SYNJ2: variants seen among roughly 807,000 people sequenced by gnomAD.
SYNJ2 encodes synaptojanin 2, also known as polyphosphatidylinositol phosphatase SYNJ2.
SYNJ2 carries 116 observed loss-of-function variants against 141.3 expected under a neutral mutation model. The observed-to-expected ratio is 0.82, with a 90% CI of 0.71 to 0.96. The LOEUF (loss-of-function observed/expected upper bound fraction) is 0.96, where lower values mean the gene tolerates loss of function less well. SYNJ2 is among the 40% of genes least tolerant of loss of function. SYNJ2 has a pLI of 0.00. For missense variants in SYNJ2, 1,873 were observed against 1,934.8 expected (o/e 0.97, Z 0.60); for synonymous variants, 745 against 777.7 (o/e 0.96, Z 0.70).
At chr6:158,069,158 A>G (rs1398291361) in intron 13 of SYNJ2, among the ~76,000 whole-genome samples, 4 of 152,102 alleles carry the variant, frequency 2.6e-5, no homozygotes, top group Non-Finnish European at 5.9e-5. Context: ...AGGGCAAAGG[A>G]AAAAATCAAA....
intron 5 of SYNJ2, among the ~76,000 whole-genome samples, chr6:158,053,011 C>T (rs950399236): frequency 3.3e-5 from 5 of 152,292 alleles, no homozygotes; most frequent in African/African-American, 4.8e-5. Flanking sequence ...ATCTGTTCCT[C>T]GGCTTTCTGT....
chr6:158,061,578 C>T (rs9364784), intron 7 of SYNJ2, among the ~76,000 whole-genome samples: 29,682 of 152,044 alleles, frequency 0.2, 3,230 homozygotes, highest in Admixed American at 0.35. Flanking sequence ...ACTAGGGCAA[C>T]GGGGAGCTGG....
intron 11 of SYNJ2, 130 bp downstream of exon 11, chr6:158,065,121 C>A: frequency 8.4e-7 from 1 of 1,188,856 alleles, no homozygotes; most frequent in Non-Finnish European, 1.1e-6. Flanking sequence ...GACCATGCAC[C>A]TTGCAGCTGT....
intron 7 of SYNJ2, 42 bp from the exon 8 acceptor site, chr6:158,061,950 C>G: frequency 6.3e-7 from 1 of 1,597,832 alleles, no homozygotes; most frequent in Non-Finnish European, 8.5e-7. Context: ...CTCGTCCTCC[C>G]TTCCCTCTGC....
chr6:158,024,462 C>T (rs535744692), intron 2 of SYNJ2, among the ~76,000 whole-genome samples: 1 of 152,278 alleles, frequency 6.6e-6, no homozygotes, highest in South Asian at 2.1e-4. Context: ...CTAAAACCAT[C>T]GCCTTGGGTG....
chr6:158,043,977 C>T lies in SYNJ2; in HGVS notation c.795+578C>T, dbSNP rs1331234364. ...ACAGGGTGGGGACACATTCCAAGAA[C>T]ACATTTGTCATCAATGGAATGACAC... is the stretch of plus-strand genomic sequence containing the variant. On this transcript the variant is annotated intron_variant, in intron 5 of 26. Transcript: ENST00000355585. This position sits in a 1 kb window ranked among gnomAD's most constrained non-coding sequence, Gnocchi z 4.0. Among the ~76,000 whole-genome samples the T allele has an allele frequency of 6.6e-6, 1 of 152,186 alleles. No individual in the cohort carries two copies. Among genetic ancestry groups the T allele is most frequent in the Non-Finnish European group, 1.5e-5 (1 of 68,028 alleles).
At chr6:158,054,375 T>C (rs181618841) in intron 5 of SYNJ2, among the ~76,000 whole-genome samples, 73 of 152,370 alleles carry the variant, frequency 4.8e-4, no homozygotes, top group African/African-American at 1.7e-3. Context: ...CAGGTTAAAA[T>C]CCATTACTGT....
In SYNJ2 at chr6:157,982,461, C is replaced by T. The variant is rs773108893; in HGVS notation, c.127+373C>T. Among the ~76,000 whole-genome samples, 1 of 152,170 alleles carries T rather than the reference C, an allele frequency of 6.6e-6. No individual in the cohort carries two copies. The highest frequency in any genetic ancestry group is 1.5e-5 in the Non-Finnish European group (1 of 68,028). ...TTTCTTTTGCACCTGTTGATGAAAC[C>T]AGTGATTGCCCTTTGGTTTGTGTTG... is the stretch of plus-strand genomic sequence containing the variant. On this transcript the variant is annotated intron_variant, in intron 1 of 26. Transcript: ENST00000355585. This position sits in a 1 kb window ranked among gnomAD's most constrained non-coding sequence, Gnocchi z 4.0.
At chr6:158,081,054 G>T in intron 18 of SYNJ2, 55 bp from the exon 19 acceptor site, 1 of 1,545,014 alleles carries the variant, frequency 6.5e-7, no homozygotes, top group Non-Finnish European at 8.9e-7. Flanking sequence ...TGGAGGCCGG[G>T]GGTGTGGACA....
intron 1 of SYNJ2, among the ~76,000 whole-genome samples, chr6:158,000,067 T>TTTA (rs2128319328): frequency 2.5e-5 from 1 of 40,586 alleles, no homozygotes; most frequent in Non-Finnish European, 4.5e-5. Flanking sequence ...CAAAAGGCTT[T>TTTA]TTTTTTTTTT....
At chr6:158,074,439 T>C in intron 15 of SYNJ2, 141 bp from the exon 16 acceptor site, 1 of 785,152 alleles carries the variant, frequency 1.3e-6, no homozygotes, top group Non-Finnish European at 2.0e-6. Context: ...AAAAACAAGA[T>C]GCTCTAGTAG....
intron 2 of SYNJ2, among the ~76,000 whole-genome samples, chr6:158,024,360 G>A (rs994910128): frequency 1.3e-5 from 2 of 152,140 alleles, no homozygotes; most frequent in African/African-American, 2.4e-5. Flanking sequence ...AGTTGAACCC[G>A]GGAGACAGAG....
Position 158,043,511 on chromosome 6 carries a change from A to G in SYNJ2, c.795+112A>G, listed in dbSNP as rs1221815684. The G allele has an allele frequency of 7.9e-6, 6 of 761,054 alleles. No individual in the cohort carries two copies. The East Asian group carries it at 8.0e-5, about 10-fold the overall frequency. 47.1% of individuals were successfully genotyped at this position (761,054 alleles called of 1,614,324 possible). On this transcript the variant is annotated intron_variant, in intron 5 of 26. Transcript: ENST00000355585. This position sits in a 1 kb window ranked among gnomAD's most constrained non-coding sequence, Gnocchi z 4.0. Reference sequence around the variant, plus strand: ...ACGTTCGTTTCATGGCATAGTTTCCAGTCTTTTTCCTCAGCCCTGTTGTGT... The same window carrying G: ...ACGTTCGTTTCATGGCATAGTTTCCGGTCTTTTTCCTCAGCCCTGTTGTGT...
chr6:158,032,600 C>T (rs1454942859), intron 3 of SYNJ2, among the ~76,000 whole-genome samples: 1 of 152,196 alleles, frequency 6.6e-6, no homozygotes. Flanking sequence ...GTGAAGAGCG[C>T]GGGCTCCAAG....
In SYNJ2 at chr6:158,097,426, A is replaced by G. The variant is rs1783848147; in HGVS notation, c.*1062A>G. On this transcript the variant is annotated 3_prime_UTR_variant, in exon 27 of 27. Transcript: ENST00000355585. The stretch of plus-strand genomic sequence containing the variant: ...TTCCAACAGCACTTCTCACCTATTC[A>G]ATAACTGAAAAAGACATTACCATAG... The G allele has an allele frequency of 6.6e-6, 1 of 152,222 alleles. No individual in the cohort carries two copies. The highest frequency in any genetic ancestry group is 1.5e-5 in the Non-Finnish European group (1 of 68,044). The allele number at this position is 152,222 out of a possible 1,614,324, so 9.4% of individuals were successfully genotyped here.
chr6:157,999,282 C>T (rs543067612), intron 1 of SYNJ2, among the ~76,000 whole-genome samples: 5 of 152,240 alleles, frequency 3.3e-5, no homozygotes, highest in Non-Finnish European at 7.3e-5. Context: ...GCCCCACTCT[C>T]TTGCCATCTC....
At position 158,025,085 on chromosome 6, in the gene SYNJ2, G is replaced by A. The variant is rs1049558613; in HGVS notation, c.215-3671G>A. Among the ~76,000 whole-genome samples the A allele has an allele frequency of 9.2e-5, 14 of 152,268 alleles. No homozygotes were observed. The South Asian group carries it at 1.2e-3, about 14-fold the overall frequency. On this transcript the variant is annotated intron_variant, in intron 2 of 26. Transcript: ENST00000355585. Reference sequence around the variant, plus strand: ...CTTATCAGCAACAGACATTTATTTCGCGCAGTTCTGGAGGCTGGAAGTCCG... The same window carrying A: ...CTTATCAGCAACAGACATTTATTTCACGCAGTTCTGGAGGCTGGAAGTCCG...
intron 5 of SYNJ2, among the ~76,000 whole-genome samples, chr6:158,044,511 C>T (rs370480504): frequency 8.5e-5 from 13 of 152,162 alleles, no homozygotes; most frequent in African/African-American, 2.9e-4. Context: ...CCACACTGCA[C>T]GAGATAACTG....
At chr6:158,074,833 G>C in intron 16 of SYNJ2, 95 bp downstream of exon 16, 1 of 1,415,926 alleles carries the variant, frequency 7.1e-7, no homozygotes, top group Non-Finnish European at 9.6e-7. Context: ...TCAGTTCCGT[G>C]AGTGGATTTC....
Sources: allele counts gnomAD v4.1 joint callset (sites outside exome capture counted in the v4.1 genomes callset), GRCh38; gene constraint gnomAD v4.1.1; non-coding constraint Gnocchi (gnomAD v3.1); transcripts MANE v1.5; gene names NCBI Gene and HGNC (gene_info 2026-07-23, HGNC 2026-07-21).